Variants in CCSER1 observed in about 807,000 individuals in gnomAD.
The protein encoded by CCSER1 is serine-rich coiled-coil domain-containing protein 1.
CCSER1 carries 41 observed loss-of-function variants against 82.0 expected under a neutral mutation model. The ratio of observed to expected loss-of-function variants is 0.50; its 90% confidence interval spans 0.39 to 0.65. CCSER1 has a LOEUF of 0.65. CCSER1 is among the 30% of genes least tolerant of loss of function. CCSER1 has a pLI of 0.00. For missense variants in CCSER1, 1,119 were observed against 1,064.2 expected (o/e 1.05, Z -0.72); for synonymous variants, 414 against 383.9 (o/e 1.08, Z -0.92).
At chr4:91,552,075 A>T (rs1437092391) in intron 10 of CCSER1, among the ~76,000 whole-genome samples, 1 of 151,880 alleles carries the variant, frequency 6.6e-6, no homozygotes, top group South Asian at 2.1e-4. Context: ...TTCATTTTTT[A>T]AGATAAAAAT....
At chr4:90,640,270 T>G (rs1170416218) in intron 6 of CCSER1, among the ~76,000 whole-genome samples, 1 of 152,130 alleles carries the variant, frequency 6.6e-6, no homozygotes, top group South Asian at 2.1e-4. Flanking sequence ...TTAAATTGTT[T>G]GTTAATTCCT....
At chr4:91,274,881 G>A (rs1022329749) in intron 10 of CCSER1, among the ~76,000 whole-genome samples, 6 of 151,936 alleles carry the variant, frequency 3.9e-5, no homozygotes, top group Non-Finnish European at 8.8e-5. Flanking sequence ...TGAGGCGGGC[G>A]GATCACGAGG....
At chr4:90,157,503 A>T (rs1203031750) in intron 1 of CCSER1, among the ~76,000 whole-genome samples, 2 of 152,202 alleles carry the variant, frequency 1.3e-5, no homozygotes, top group African/African-American at 4.8e-5. Context: ...CGTCACTTTC[A>T]GATACACCAA....
At chr4:91,504,366 C>G (rs1759375447) in intron 10 of CCSER1, among the ~76,000 whole-genome samples, 1 of 151,984 alleles carries the variant, frequency 6.6e-6, no homozygotes, top group Admixed American at 6.6e-5. Flanking sequence ...CCAAAAAATT[C>G]TAAAATTTCC....
At chr4:90,598,978 C>G (rs188411472) in intron 5 of CCSER1, among the ~76,000 whole-genome samples, 1 of 152,288 alleles carries the variant, frequency 6.6e-6, no homozygotes, top group Admixed American at 6.5e-5. Context: ...ACATAATGCA[C>G]TCTAGCAGTG....
intron 8 of CCSER1, among the ~76,000 whole-genome samples, chr4:90,903,221 C>T (rs540323519): frequency 5.9e-5 from 9 of 152,136 alleles, no homozygotes; most frequent in South Asian, 4.2e-4. Flanking sequence ...GTTGGAGGGA[C>T]CCAGGAGGAG....
chr4:91,024,173 C>T (rs897540390), intron 9 of CCSER1, among the ~76,000 whole-genome samples: 1 of 152,064 alleles, frequency 6.6e-6, no homozygotes, highest in East Asian at 1.9e-4. Context: ...CTCTTAAACC[C>T]CCCACCTCTC....
chr4:90,892,901 C>T (rs1281434426), intron 8 of CCSER1, among the ~76,000 whole-genome samples: 1 of 151,914 alleles, frequency 6.6e-6, no homozygotes, highest in Non-Finnish European at 1.5e-5. Flanking sequence ...TTTGTTTATT[C>T]ATTTACTGTA....
intron 6 of CCSER1, among the ~76,000 whole-genome samples, chr4:90,670,887 T>G (rs1042866820): frequency 2.6e-5 from 4 of 152,002 alleles, no homozygotes; most frequent in Admixed American, 2.0e-4. Context: ...CAGTCATACC[T>G]TAGAGATACT....
chr4:91,360,696 C>A (rs544747566), intron 10 of CCSER1, among the ~76,000 whole-genome samples: 1 of 151,626 alleles, frequency 6.6e-6, no homozygotes, highest in Non-Finnish European at 1.5e-5. Context: ...GTTTATGGCA[C>A]AAGCCTAGGT....
At chr4:91,214,919 G>A (rs939655095) in intron 10 of CCSER1, among the ~76,000 whole-genome samples, 4 of 151,886 alleles carry the variant, frequency 2.6e-5, no homozygotes, top group Non-Finnish European at 5.9e-5. Context: ...ATAATATGAT[G>A]GAAATTTAAA....
chr4:91,299,052 G>A (rs1719641233), intron 10 of CCSER1, among the ~76,000 whole-genome samples: 3 of 151,808 alleles, frequency 2.0e-5, no homozygotes, highest in Admixed American at 1.3e-4. Context: ...TGCATTCTAT[G>A]TTTAACAGGC....
intron 1 of CCSER1, among the ~76,000 whole-genome samples, chr4:90,253,240 G>A (rs1444684044): frequency 6.6e-6 from 1 of 151,948 alleles, no homozygotes; most frequent in African/African-American, 2.4e-5. Flanking sequence ...GAAAAGGAAT[G>A]GAAAGAAATG....
At chr4:90,348,382 ATTATT>A (rs1239584183) in intron 3 of CCSER1, among the ~76,000 whole-genome samples, 4 of 152,196 alleles carry the variant, frequency 2.6e-5, no homozygotes. Context: ...ATTATATAAT[ATTATT>A]TTACTATGTT....
chr4:90,784,018 T>G (rs1754155095), intron 7 of CCSER1, among the ~76,000 whole-genome samples: 1 of 152,166 alleles, frequency 6.6e-6, no homozygotes, highest in African/African-American at 2.4e-5. Flanking sequence ...GAGTCAGGAA[T>G]AGTAGTCAGA....
intron 8 of CCSER1, among the ~76,000 whole-genome samples, chr4:90,849,706 G>A (rs926894753): frequency 2.0e-5 from 3 of 150,456 alleles, no homozygotes; most frequent in Admixed American, 6.6e-5. Context: ...GGAGGATGGT[G>A]TGAACCCAGG....
chr4:91,137,045 T>C (rs1457680356), intron 10 of CCSER1, among the ~76,000 whole-genome samples: 3 of 149,906 alleles, frequency 2.0e-5, no homozygotes, highest in Admixed American at 1.3e-4. Flanking sequence ...AGTTTTAGGG[T>C]ACATGTGCAC....
chr4:91,452,818 T>A (rs1755942537), intron 10 of CCSER1, among the ~76,000 whole-genome samples: 1 of 151,982 alleles, frequency 6.6e-6, no homozygotes, highest in South Asian at 2.1e-4. Context: ...GCATTCCTAA[T>A]AAGATTTTTT....
intron 9 of CCSER1, among the ~76,000 whole-genome samples, chr4:90,966,188 A>T (rs1734543452): frequency 6.6e-6 from 1 of 152,116 alleles, no homozygotes; most frequent in Non-Finnish European, 1.5e-5. Context: ...TGGCAGAAAG[A>T]CTATTTGAAG....
Sources: allele counts gnomAD v4.1 joint callset (sites outside exome capture counted in the v4.1 genomes callset), GRCh38; gene constraint gnomAD v4.1.1; transcripts MANE v1.5; gene names NCBI Gene and HGNC (gene_info 2026-07-23, HGNC 2026-07-21).